Variants in KIR2DL1 observed in about 807,000 individuals in gnomAD.
KIR2DL1 encodes the protein killer cell immunoglobulin-like receptor 2DL1.
KIR2DL1 carries 38 observed loss-of-function variants against 33.9 expected under a neutral mutation model. That is an observed-to-expected ratio of 1.12 (90% CI 0.86 to 1.47). The LOEUF is 1.47. Among genes scored for constraint, KIR2DL1 ranks in the 40% most tolerant of loss-of-function variants. The probability of loss-of-function intolerance (pLI) is 0.00; values close to 1 mark genes in which losing one functional copy is unlikely to be tolerated. For synonymous variants in KIR2DL1, 179 were observed against 165.9 expected (o/e 1.08, Z -0.61); for missense variants, 531 against 433.9 (o/e 1.22, Z -1.99).
chr19:54,775,756 T>A (rs2076255953), intron 4 of KIR2DL1, among the ~76,000 whole-genome samples: 1 of 148,780 alleles, frequency 6.7e-6, no homozygotes, highest in African/African-American at 2.5e-5. Context: ...CCTCAGCCCC[T>A]CAACCTTACC....
rs530805517 is a variant in KIR2DL1 at position 54,773,918 on chromosome 19, G to A, written c.370+286G>A. On this transcript the variant is annotated intron_variant, in intron 3 of 7. Coordinates refer to ENST00000336077, the MANE Select transcript of KIR2DL1 (RefSeq NM_014218.3). Reference sequence around the variant, plus strand: ...GTCCCAGAGAGAGGTGTCCCTCCATGCTGACTTTGCTCAGAGACCTGGCAC... The same window carrying A: ...GTCCCAGAGAGAGGTGTCCCTCCATACTGACTTTGCTCAGAGACCTGGCAC... 3.0e-4 allele frequency among the ~76,000 whole-genome samples: 45 copies of A among 148,668 alleles called. 6 individuals are homozygous for A. The East Asian group carries it at 6.2e-3, about 21-fold the overall frequency.
intron 1 of KIR2DL1, among the ~76,000 whole-genome samples, 179 bp from the exon 2 acceptor site, chr19:54,770,670 C>G (rs1235982429): frequency 6.8e-6 from 1 of 147,902 alleles, no homozygotes; most frequent in East Asian, 1.9e-4. Flanking sequence ...GGATATGGAC[C>G]TGGAGGCTGG....
rs148427642 is a variant in KIR2DL1, at chr19:54,769,878, T to G, written c.28T>G (p.Cys10Gly). The change falls in exon 1 of 8, where the codon TGT (cysteine) becomes GGT (glycine). Residue 10 changes from cysteine (C) to glycine (G), a missense_variant. Physicochemically the swap from Cys to Gly is radical, Grantham distance 159. Coordinates refer to ENST00000336077, the MANE Select transcript of KIR2DL1 (RefSeq NM_014218.3). ...GTCGCTCTTGGTCGTCAGCATGGCG[T>G]GTGTTGGTGAGTCCTGGAAAGCAAT... The part of the protein sequence containing the change: MSLLVVSMA[C>G]VGFFLLQGAW... 784 of 1,566,866 alleles carry G rather than the reference T, an allele frequency of 5.0e-4. 61 individuals are homozygous for G. Among genetic ancestry groups the G allele is most frequent in the Non-Finnish European group, 6.4e-4 (736 of 1,145,256 alleles).
intron 4 of KIR2DL1, among the ~76,000 whole-genome samples, chr19:54,778,327 T>A (rs2147549482): frequency 6.7e-6 from 1 of 149,632 alleles, no homozygotes; most frequent in East Asian, 1.9e-4. Context: ...TTCTGCTCCG[T>A]TGTTCTATGT....
chr19:54,772,415 C>T (rs1372422598), intron 2 of KIR2DL1, among the ~76,000 whole-genome samples: 9 of 143,568 alleles, frequency 6.3e-5, no homozygotes, highest in African/African-American at 2.3e-4. Flanking sequence ...CCACGACAAA[C>T]AGGGTCCGAT....
chr19:54,782,413 C>T (rs3865503), intron 5 of KIR2DL1, among the ~76,000 whole-genome samples: 3,447 of 151,098 alleles, frequency 0.023, 23 homozygotes, highest in African/African-American at 0.066. Flanking sequence ...TTTCTCGTGA[C>T]GGCCTCAGGC....
chr19:54,770,196 G>C (rs1159565900), intron 1 of KIR2DL1, among the ~76,000 whole-genome samples: 3 of 142,660 alleles, frequency 2.1e-5, no homozygotes, highest in African/African-American at 7.7e-5. Context: ...TGGGCCTGGA[G>C]TGGAGTCATG....
intron 5 of KIR2DL1, among the ~76,000 whole-genome samples, chr19:54,781,441 C>T (rs2147612943): frequency 6.6e-6 from 1 of 150,540 alleles, no homozygotes; most frequent in Non-Finnish European, 1.5e-5. Context: ...AAAAACTTGC[C>T]CACTCACCCA....
Position 54,775,246 on chromosome 19 carries a change from C to T in KIR2DL1, c.452C>T (p.Ser151Phe). The T allele has an allele frequency of 1.2e-6, 2 of 1,603,176 alleles. No individual in the cohort carries two copies. Among genetic ancestry groups the T allele is most frequent in the East Asian group, 2.2e-5 (1 of 44,836 alleles). Residue 151 changes from serine to phenylalanine, a missense_variant, in exon 4 of 8, where the codon TCC (serine) becomes TTC (phenylalanine). By Grantham distance (155) the Ser-to-Phe change is radical (BLOSUM62 -2). Coordinates refer to ENST00000336077, the MANE Select transcript of KIR2DL1 (RefSeq NM_014218.3). ...AGENVTLSCS[S>F]RSSYDMYHLS... ...GAGAATGTGACCTTGTCCTGCAGCT[C>T]CCGGAGCTCCTATGACATGTACCAT...
chr19:54,778,462 T>C (rs78928735), intron 4 of KIR2DL1, 150 bp from the exon 5 acceptor site: 78,256 of 637,412 alleles, frequency 0.12, 8,487 homozygotes, highest in African/African-American at 0.27. Flanking sequence ...GTGGGTGTCA[T>C]ATAAAAAAAT....
chr19:54,784,029 T>A lies in KIR2DL1; in HGVS notation c.*216T>A, dbSNP rs1433489426. 205 of 756,742 alleles carry A rather than the reference T, an allele frequency of 2.7e-4. No homozygotes were observed. The African/African-American group carries it at 3.3e-3, about 12-fold the overall frequency. The allele number at this position is 756,742 out of a possible 1,614,324, so 46.9% of individuals were successfully genotyped here. On this transcript the variant is annotated 3_prime_UTR_variant, in exon 8 of 8. Coordinates refer to ENST00000336077, the MANE Select transcript of KIR2DL1 (RefSeq NM_014218.3). ...GCCTGCTGGAGAAAAAACACACTCCTTTGCTTAACCCACAGTTCTCCATTT... is the reference window on the plus strand; with the variant it reads ...GCCTGCTGGAGAAAAAACACACTCCATTGCTTAACCCACAGTTCTCCATTT...
chr19:54,783,701 A>G lies in KIR2DL1; in HGVS notation c.935A>G (p.Gln312Arg), dbSNP rs1433492380. Residue 312 changes from glutamine (Q) to arginine (R), a missense_variant, in exon 8 of 8, where the codon CAG becomes CGG. Physicochemically the swap from Gln to Arg is conservative, Grantham distance 43. Coordinates refer to ENST00000336077, the MANE Select transcript of KIR2DL1 (RefSeq NM_014218.3). ...YTQLNHCVFT[Q>R]RKITRPSQRP... ...CAGTTGAATCACTGCGTTTTCACAC[A>G]GAGAAAAATCACTCGCCCTTCTCAG... 3 of 1,614,072 alleles carry G rather than the reference A, an allele frequency of 1.9e-6. No homozygotes were observed. The highest frequency in any genetic ancestry group is 2.2e-5 in the East Asian group (1 of 44,886).
rs1481853508 is a variant in KIR2DL1 at position 54,773,452 on chromosome 19, G to C, written c.190G>C (p.Gly64Arg). The C allele has an allele frequency of 3.8e-6, 6 of 1,588,454 alleles. No homozygotes were observed. Among genetic ancestry groups the C allele is most frequent in the Non-Finnish European group, 5.2e-6 (6 of 1,160,044 alleles). ...MFEHFLLHREGMFNDTLRLIG... is the reference protein window; with the variant it reads ...MFEHFLLHRERMFNDTLRLIG... ...TGAACACTTCCTTCTGCACAGAGAG[G>C]GGATGTTTAACGACACTTTGCGCCT... Residue 64 changes from glycine (G) to arginine (R), a missense_variant, in exon 3 of 8, where the codon GGG becomes CGG. Coordinates refer to ENST00000336077, the MANE Select transcript of KIR2DL1 (RefSeq NM_014218.3).
chr19:54,782,201 A>G (rs1005052437), intron 5 of KIR2DL1, among the ~76,000 whole-genome samples: 1 of 151,602 alleles, frequency 6.6e-6, no homozygotes, highest in Non-Finnish European at 1.5e-5. Flanking sequence ...ACTCAGCTAA[A>G]GCACTGCATG....
At chr19:54,783,267 T>G (rs2077250792) in intron 6 of KIR2DL1, among the ~76,000 whole-genome samples, 1 of 151,770 alleles carries the variant, frequency 6.6e-6, no homozygotes, top group South Asian at 2.1e-4. Context: ...GAAGGTTCCA[T>G]GACAGGCAGA....
At chr19:54,769,993 G>C in intron 1 of KIR2DL1, 109 bp downstream of exon 1, 1 of 1,414,704 alleles carries the variant, frequency 7.1e-7, no homozygotes, top group Non-Finnish European at 9.9e-7. Flanking sequence ...TGGAGATCTG[G>C]GCCTGGAGTG....
At chr19:54,774,081 G>C (rs2076064253) in intron 3 of KIR2DL1, among the ~76,000 whole-genome samples, 1 of 148,792 alleles carries the variant, frequency 6.7e-6, no homozygotes, top group Non-Finnish European at 1.5e-5. Flanking sequence ...TGTTTATTCT[G>C]ACACCTCTGC....
intron 5 of KIR2DL1, among the ~76,000 whole-genome samples, chr19:54,782,003 ACATAGG>A (rs1477577470): frequency 6.6e-6 from 1 of 152,050 alleles, no homozygotes; most frequent in Admixed American, 6.5e-5. Flanking sequence ...AGAATACGTT[ACATAGG>A]CAGGTTCATT....
chr19:54,783,616 T>C (rs769812670), intron 7 of KIR2DL1, 21 bp from the exon 8 acceptor site: 3 of 1,613,988 alleles, frequency 1.9e-6, no homozygotes, highest in Middle Eastern at 1.6e-4. Context: ...CCTCCCTCAC[T>C]CAGCATTTCC....
Sources: allele counts gnomAD v4.1 joint callset (sites outside exome capture counted in the v4.1 genomes callset), GRCh38; gene constraint gnomAD v4.1.1; transcripts MANE v1.5; gene names NCBI Gene and HGNC (gene_info 2026-07-23, HGNC 2026-07-21).